The following ETNK1 variants were observed in gnomAD, a reference collection of about 807,000 sequenced individuals.
The protein encoded by ETNK1 is putative protein product of Nbla10396.
Under a neutral mutation model 45.1 loss-of-function variants are expected in ETNK1, and 8 were observed. The observed-to-expected ratio is 0.18, with a 90% CI of 0.10 to 0.32. The LOEUF (loss-of-function observed/expected upper bound fraction) is 0.32. Ranked by LOEUF, ETNK1 falls within the 10% of genes least tolerant of loss-of-function variation. ETNK1 has a pLI of 1.00. For synonymous variants in ETNK1, 152 were observed against 151.9 expected (o/e 1.00, Z -0.01); for missense variants, 302 against 430.6 (o/e 0.70, Z 2.64).
Position 22,625,479 on chromosome 12 carries a change from C to G in ETNK1, c.49C>G (p.Leu17Val). The change falls in exon 1 of 8, where the codon CTG becomes GTG. Residue 17 changes from leucine to valine, a missense_variant. Around this residue, in one of 3 missense-constraint regions of ETNK1, gnomAD observed 205 missense variants for 259.9 expected, o/e 0.79. Transcript: ENST00000266517. ...VPPGSPEVPK[L>V]NVTVQDQEEH... ...TCCCGGCTCCCCGGAGGTGCCCAAG[C>G]TGAACGTCACCGTTCAGGATCAGGA... 1 of 1,604,330 alleles carries G rather than the reference C, an allele frequency of 6.2e-7. No homozygotes were observed. The highest frequency in any genetic ancestry group is 8.5e-7 in the Non-Finnish European group (1 of 1,175,966).
chr12:22,650,850 A>G (rs1363607134), intron 2 of ETNK1, among the ~76,000 whole-genome samples: 1 of 152,214 alleles, frequency 6.6e-6, no homozygotes, highest in Admixed American at 6.5e-5. Flanking sequence ...TTTTTCAATG[A>G]GCATTTTATT....
At chr12:22,641,128 C>T (rs1337028498) in intron 1 of ETNK1, among the ~76,000 whole-genome samples, 4 of 152,122 alleles carry the variant, frequency 2.6e-5, no homozygotes, top group African/African-American at 7.2e-5. Context: ...AGTAGAAACT[C>T]ACCTGTAGCT....
chr12:22,684,488 T>C lies in ETNK1; in HGVS notation c.951T>C (p.Ser317=). 1 of 1,607,792 alleles carries C rather than the reference T, an allele frequency of 6.2e-7. No homozygotes were observed. Among genetic ancestry groups the C allele is most frequent in the Non-Finnish European group, 8.5e-7 (1 of 1,176,900 alleles). ...TTTTCTTTCCTTCTTTTAAGGCTTC[T>C]CATTTCTTTTGGGGATTGTGGGCTT... ...FIQVNQFALA[S]HFFWGLWALI... is the part of the protein sequence containing the mutation. Residue 317 remains serine, a synonymous_variant, in exon 7 of 8, where the codon TCT becomes TCC. Transcript: ENST00000266517.
At chr12:22,675,522 A>T (rs1954151872) in intron 6 of ETNK1, among the ~76,000 whole-genome samples, 1 of 151,996 alleles carries the variant, frequency 6.6e-6, no homozygotes, top group Non-Finnish European at 1.5e-5. Flanking sequence ...TGCCTGGCTG[A>T]TTTTTTAAAA....
At chr12:22,643,054 C>T (rs1038399190) in intron 1 of ETNK1, among the ~76,000 whole-genome samples, 3 of 151,954 alleles carry the variant, frequency 2.0e-5, no homozygotes, top group Non-Finnish European at 4.4e-5. Context: ...CTACTTACCT[C>T]TTTTTTCTTC....
intron 6 of ETNK1, among the ~76,000 whole-genome samples, chr12:22,676,049 G>A (rs1247904431): frequency 6.6e-6 from 1 of 152,090 alleles, no homozygotes; most frequent in Non-Finnish European, 1.5e-5. Context: ...TGGGGTACAT[G>A]TGCAGAACCT....
At chr12:22,625,617 T>A (rs1953482443) in intron 1 of ETNK1, 31 bp downstream of exon 1, 1 of 1,544,506 alleles carries the variant, frequency 6.5e-7, no homozygotes, top group East Asian at 2.3e-5. Flanking sequence ...CTGGGTCTCT[T>A]ATGCCCCTCA....
intron 2 of ETNK1, among the ~76,000 whole-genome samples, chr12:22,650,388 C>T (rs1279289425): frequency 6.6e-6 from 1 of 151,700 alleles, no homozygotes; most frequent in Non-Finnish European, 1.5e-5. Flanking sequence ...AATTACGTGT[C>T]ATTAAGTAGG....
At position 22,690,209 on chromosome 12, in the gene ETNK1, A is replaced by T. The variant is rs1954292222; in HGVS notation, c.*5255A>T. 6.6e-6 allele frequency: 1 copy of T among 152,486 alleles called. No homozygotes were observed. The highest frequency in any genetic ancestry group is 2.1e-4 in the South Asian group (1 of 4,830). 9.4% of individuals were successfully genotyped at this position (152,486 alleles called of 1,614,324 possible). Reference sequence around the variant, plus strand: ...TGCTACAAATAGTCTCAGCACTGAAAATGTATTGATACCTCTTAAATGAAT... The same window carrying T: ...TGCTACAAATAGTCTCAGCACTGAATATGTATTGATACCTCTTAAATGAAT... On this transcript the variant is annotated 3_prime_UTR_variant, in exon 8 of 8. Transcript: ENST00000266517.
intron 1 of ETNK1, among the ~76,000 whole-genome samples, chr12:22,639,565 T>A (rs1489058136): frequency 6.6e-6 from 1 of 151,846 alleles, no homozygotes; most frequent in African/African-American, 2.4e-5. Flanking sequence ...TAATCCCAGC[T>A]ACTTGGGAGG....
chr12:22,628,479 A>G (rs1248698553), intron 1 of ETNK1, among the ~76,000 whole-genome samples: 1 of 152,096 alleles, frequency 6.6e-6, no homozygotes, highest in African/African-American at 2.4e-5. Context: ...TTCCTTCACG[A>G]GTTACTTTTG....
chr12:22,630,657 C>G (rs1435932506), intron 1 of ETNK1, among the ~76,000 whole-genome samples: 1 of 152,108 alleles, frequency 6.6e-6, no homozygotes, highest in Non-Finnish European at 1.5e-5. Flanking sequence ...GTAGCCCAGG[C>G]TGGAGTGCAG....
At position 22,630,366 on chromosome 12, in the gene ETNK1, A is replaced by G. The variant is rs564645924; in HGVS notation, c.156+4780A>G. Among the ~76,000 whole-genome samples the G allele has an allele frequency of 5.9e-5, 9 of 152,326 alleles. No individual in the cohort carries two copies. The South Asian group carries it at 1.0e-3, about 18-fold the overall frequency. ...CTAGCTGTAATGCTAGTTTTCAGTAAGAGTCCTTGTACAACTAACTGTAGC... is the reference window on the plus strand; with the variant it reads ...CTAGCTGTAATGCTAGTTTTCAGTAGGAGTCCTTGTACAACTAACTGTAGC... On this transcript the variant is annotated intron_variant, in intron 1 of 7. Coordinates refer to ENST00000266517, the MANE Select transcript of ETNK1 (RefSeq NM_018638.5).
chr12:22,636,863 A>G (rs564245439), intron 1 of ETNK1, among the ~76,000 whole-genome samples: 2 of 152,338 alleles, frequency 1.3e-5, no homozygotes, highest in South Asian at 2.1e-4. Context: ...ACATCATTCT[A>G]TACAACAGGC....
chr12:22,667,375 G>C (rs1954064343), intron 4 of ETNK1, among the ~76,000 whole-genome samples: 1 of 151,922 alleles, frequency 6.6e-6, no homozygotes, highest in Non-Finnish European at 1.5e-5. Context: ...AATATTTCCT[G>C]TGTCCTAGGG....
At chr12:22,656,820 A>G in intron 2 of ETNK1, 2 of 978,970 alleles carry the variant, frequency 2.0e-6, no homozygotes, top group South Asian at 9.4e-5. Context: ...TTAGAGTTAA[A>G]TATCTGTGAC....
At chr12:22,642,838 G>A (rs12296341) in intron 1 of ETNK1, among the ~76,000 whole-genome samples, 7,156 of 151,998 alleles carry the variant, frequency 0.047, 552 homozygotes, top group African/African-American at 0.16. Flanking sequence ...TATAATAGAA[G>A]TGAAGTGTTA....
chr12:22,651,536 C>T (rs1307749203), intron 2 of ETNK1, among the ~76,000 whole-genome samples: 1 of 152,032 alleles, frequency 6.6e-6, no homozygotes, highest in African/African-American at 2.4e-5. Flanking sequence ...CACTATCTGC[C>T]TAAATCATTT....
intron 1 of ETNK1, among the ~76,000 whole-genome samples, chr12:22,629,760 T>C (rs1029376216): frequency 2.0e-5 from 3 of 152,152 alleles, no homozygotes; most frequent in African/African-American, 4.8e-5. Flanking sequence ...AAGTAAACAA[T>C]ATATTAGTTT....
Sources: allele counts gnomAD v4.1 joint callset (sites outside exome capture counted in the v4.1 genomes callset), GRCh38; gene constraint gnomAD v4.1.1; regional missense constraint gnomAD v4.1.1; transcripts MANE v1.5; gene names NCBI Gene and HGNC (gene_info 2026-07-23, HGNC 2026-07-21).